The following PADI3 variants were observed in gnomAD, a reference collection of about 807,000 sequenced individuals.
The protein encoded by PADI3 is peptidyl arginine deiminase 3.
Under a neutral mutation model 71.5 loss-of-function variants are expected in PADI3, and 53 were observed. The observed-to-expected ratio is 0.74, with a 90% CI of 0.59 to 0.93. PADI3 has a LOEUF of 0.93. Among genes scored for constraint, PADI3 ranks in the 40% least tolerant of loss-of-function variants. The probability of loss-of-function intolerance (pLI) is 0.00; values close to 1 mark genes in which losing one functional copy is unlikely to be tolerated. For missense variants in PADI3, 821 were observed against 868.0 expected (o/e 0.95, Z 0.68); for synonymous variants, 361 against 347.5 (o/e 1.04, Z -0.43).
Position 17,275,436 on chromosome 1 carries a change from CAAAAAAAAAAAAA to C in PADI3, c.1307+661_1307+673del, listed in dbSNP as rs10617336. On this transcript the variant is annotated intron_variant, in intron 11 of 15. Coordinates refer to ENST00000375460, the MANE Select transcript of PADI3 (RefSeq NM_016233.2). ...TGGGCGACAGAGCGAGACTCCGTCT[CAAAAAAAAAAAAA>C]AAAAAAAAAAGTAACAAAGAAAAAG... Among the ~76,000 whole-genome samples, 550 of 89,498 alleles carry C rather than the reference CAAAAAAAAAAAAA, an allele frequency of 6.1e-3. 6 individuals are homozygous for C. The highest frequency in any genetic ancestry group is 0.023 in the African/African-American group (516 of 22,002). The allele number at this position is 89,498 out of a possible 152,430, so 58.7% of individuals were successfully genotyped here. A position where few individuals can be genotyped will look rare whatever the true frequency, so the allele number is the denominator to read the frequency against.
chr1:17,278,773 G>A (rs1002539918), intron 13 of PADI3, among the ~76,000 whole-genome samples: 3 of 151,882 alleles, frequency 2.0e-5, no homozygotes, highest in Admixed American at 1.3e-4. Flanking sequence ...ATGGCCTCAG[G>A]GAAGGCAGAT....
chr1:17,280,775 A>G lies in PADI3; in HGVS notation c.1740A>G (p.Ala580=), dbSNP rs778367549. 6.2e-7 allele frequency: 1 copy of G among 1,613,988 alleles called. No individual in the cohort carries two copies. Among genetic ancestry groups the G allele is most frequent in the South Asian group, 1.1e-5 (1 of 91,056 alleles). ...PQLFKTERKK[A]TAFFPDLVNM... ...TCTTCAAGACCGAGAGGAAAAAAGC[A>G]ACGGCCTTCTTCCCTGACTTGGTGA... is the stretch of plus-strand genomic sequence containing the variant. Residue 580 remains alanine, a synonymous_variant, in exon 15 of 16, where the codon GCA becomes GCG. Transcript: ENST00000375460.
At chr1:17,264,879 C>CA (rs1453446275) in intron 3 of PADI3, among the ~76,000 whole-genome samples, 1 of 151,972 alleles carries the variant, frequency 6.6e-6, no homozygotes, top group African/African-American at 2.4e-5. Flanking sequence ...GGCATGGTGG[C>CA]ATGCACCAGT....
chr1:17,256,433 A>G (rs4920362), intron 1 of PADI3, among the ~76,000 whole-genome samples: 14,022 of 152,230 alleles, frequency 0.092, 685 homozygotes, highest in South Asian at 0.2. Context: ...CTCGGCTTGC[A>G]GCCCCTCCCT....
chr1:17,251,924 C>T (rs4920580), intron 1 of PADI3, among the ~76,000 whole-genome samples: 12,161 of 152,232 alleles, frequency 0.08, 582 homozygotes, highest in South Asian at 0.2. Context: ...AAATTTACAT[C>T]TGACTCATGG....
Position 17,271,384 on chromosome 1 carries a change from G to A in PADI3, c.1047+206G>A, listed in dbSNP as rs1427996673. ...TGGATTCAACACCCATTCACCCACC[G>A]GATCTGGGCTAGGCACTAGGCTAGG... On this transcript the variant is annotated intron_variant, in intron 9 of 15. Transcript: ENST00000375460. Among the ~76,000 whole-genome samples, 5 of 152,292 alleles carry A rather than the reference G, an allele frequency of 3.3e-5. No homozygotes were observed. In the South Asian group the frequency reaches 8.3e-4, roughly 25 times the overall value.
At chr1:17,266,060 A>T (rs2073164013) in intron 4 of PADI3, among the ~76,000 whole-genome samples, 1 of 152,244 alleles carries the variant, frequency 6.6e-6, no homozygotes, top group Non-Finnish European at 1.5e-5. Flanking sequence ...ATATGGTCTC[A>T]ATTCTGCCAC....
At position 17,267,785 on chromosome 1, in the gene PADI3, G is replaced by A. The variant is rs2073190054; in HGVS notation, c.527-52G>A. On this transcript the variant is annotated intron_variant, in intron 5 of 15. Transcript: ENST00000375460. ...GAGGGAGCTGGGCAGCAGAGGAAGG[G>A]GCCAGGGGCCAGGACTCCCTTGAGT... 8.7e-6 allele frequency: 14 copies of A among 1,600,822 alleles called. No homozygotes were observed. The South Asian group carries it at 1.6e-4, about 18-fold the overall frequency.
At chr1:17,255,595 T>C (rs901244649) in intron 1 of PADI3, among the ~76,000 whole-genome samples, 1 of 152,220 alleles carries the variant, frequency 6.6e-6, no homozygotes, top group Admixed American at 6.5e-5. Flanking sequence ...GATCCTCCCG[T>C]ACCTGATGCA....
intron 1 of PADI3, among the ~76,000 whole-genome samples, chr1:17,258,797 G>A (rs570193529): frequency 6.6e-6 from 1 of 152,354 alleles, no homozygotes; most frequent in South Asian, 2.1e-4. Context: ...TCCCAGGGAA[G>A]AATTCAAGGA....
intron 4 of PADI3, 21 bp from the exon 5 acceptor site, chr1:17,266,698 G>C (rs1375973965): frequency 1.0e-5 from 16 of 1,601,196 alleles, no homozygotes; most frequent in Non-Finnish European, 1.4e-5. Context: ...CTCATCACTG[G>C]CTATGTTTTG....
rs754266687 is a variant in PADI3 at position 17,282,895 on chromosome 1, G to A, written c.1811G>A (p.Gly604Glu). ...CACCTGGGCATCCCCAAGCCCTTTG[G>A]GCCCATCATCAATGGCTGCTGCTGC... The part of the protein sequence containing the change: ...GKHLGIPKPF[G>E]PIINGCCCLE... The change falls in exon 16 of 16, where the codon GGG becomes GAG. Residue 604 changes from glycine (G) to glutamate (E), a missense_variant. Gly to Glu is a moderately conservative substitution (Grantham distance 98). Transcript: ENST00000375460. The A allele has an allele frequency of 1.9e-6, 3 of 1,614,036 alleles. No homozygotes were observed. The highest frequency in any genetic ancestry group is 2.5e-6 in the Non-Finnish European group (3 of 1,179,972).
At chr1:17,268,167 G>C (rs1409995588) in intron 6 of PADI3, among the ~76,000 whole-genome samples, 3 of 152,246 alleles carry the variant, frequency 2.0e-5, no homozygotes, top group Non-Finnish European at 2.9e-5. Flanking sequence ...CACCTGGCCT[G>C]AGGTCATTTT....
rs148340061 is a variant in PADI3, at chr1:17,270,327, C to T, written c.747C>T (p.Phe249=). The part of the protein sequence containing the change: ...VPRLHGDEER[F]FVEGLSFPDA... ...GCTTGCATGGGGATGAGGAGCGCTT[C>T]TTCGTGGAAGGCCTGTCCTTCCCTG... is the stretch of plus-strand genomic sequence containing the variant. Residue 249 remains phenylalanine (F), a synonymous_variant, in exon 7 of 16, where the codon TTC becomes TTT. Transcript: ENST00000375460. The T allele has an allele frequency of 1.4e-4, 223 of 1,614,030 alleles. 2 individuals are homozygous for T. In the Middle Eastern group the frequency reaches 2.1e-3, roughly 16 times the overall value.
chr1:17,274,404 G>A (rs577433358), intron 10 of PADI3, among the ~76,000 whole-genome samples: 232 of 152,362 alleles, frequency 1.5e-3, no homozygotes, highest in Non-Finnish European at 2.1e-3. Flanking sequence ...CTGTCTTGCC[G>A]TGATAAGGCA....
chr1:17,261,186 T>C (rs938334751), intron 2 of PADI3, among the ~76,000 whole-genome samples: 6 of 152,250 alleles, frequency 3.9e-5, no homozygotes, highest in African/African-American at 1.4e-4. Context: ...CAGGAGGGAA[T>C]ACCCCAAGGG....
intron 5 of PADI3, 49 bp from the exon 6 acceptor site, chr1:17,267,781 AAGGGGCC>A: frequency 6.3e-7 from 1 of 1,596,556 alleles, no homozygotes; most frequent in Non-Finnish European, 8.5e-7. Context: ...GCAGCAGAGG[AAGGGGCC>A]AGGGGCCAGG....
At chr1:17,259,226 C>T (rs573183577) in intron 1 of PADI3, among the ~76,000 whole-genome samples, 10 of 152,314 alleles carry the variant, frequency 6.6e-5, no homozygotes, top group African/African-American at 1.4e-4. Context: ...TATGCTACCA[C>T]GCCTGGCTAT....
At chr1:17,281,450 C>CT (rs71014927) in intron 15 of PADI3, among the ~76,000 whole-genome samples, 119,286 of 141,850 alleles carry the variant, frequency 0.84, 50,387 homozygotes, top group South Asian at 0.94. Flanking sequence ...TTCTTTTTTT[C>CT]TTTTTTTTTT....
Sources: gnomAD v4.1 joint callset for allele counts (sites outside exome capture counted in the v4.1 genomes callset) on GRCh38, gnomAD v4.1.1 for gene constraint, MANE v1.5 for transcripts, NCBI Gene and HGNC (gene_info 2026-07-23, HGNC 2026-07-21) for gene names.